CSMD1: variants seen among roughly 807,000 people sequenced by gnomAD.
CSMD1 encodes the protein CUB and sushi domain-containing protein 1.
CSMD1 carries 213 observed loss-of-function variants against 417.5 expected under a neutral mutation model. The observed-to-expected ratio is 0.51, with a 90% CI of 0.46 to 0.57. CSMD1 has a LOEUF of 0.57. CSMD1 is among the 20% of genes least tolerant of loss of function. The probability of loss-of-function intolerance (pLI) is 0.00; values close to 1 mark genes in which losing one functional copy is unlikely to be tolerated. For synonymous variants in CSMD1, 2,862 were observed against 1,736.8 expected, an observed-to-expected ratio of 1.65 and a Z score of -16.11; for missense variants, 6,923 against 4,529.7, an observed-to-expected ratio of 1.53 and a Z score of -15.17.
intron 1 of CSMD1, among the ~76,000 whole-genome samples, chr8:4,844,687 T>C (rs1202720458): frequency 6.6e-6 from 1 of 152,234 alleles, no homozygotes; most frequent in Admixed American, 6.5e-5. Context: ...AATTTACTCA[T>C]TATTATCTTA....
At chr8:3,984,617 G>A (rs1390858683) in intron 5 of CSMD1, among the ~76,000 whole-genome samples, 1 of 148,292 alleles carries the variant, frequency 6.7e-6, no homozygotes, top group Non-Finnish European at 1.5e-5. Flanking sequence ...TACAGCTAGG[G>A]GTTTCATTTG....
intron 23 of CSMD1, among the ~76,000 whole-genome samples, chr8:3,316,297 A>T (rs979985653): frequency 6.6e-6 from 1 of 152,200 alleles, no homozygotes; most frequent in African/African-American, 2.4e-5. Context: ...ACTTGCCAAT[A>T]AAAATAAAGG....
At chr8:4,074,268 A>C (rs986657596) in intron 3 of CSMD1, among the ~76,000 whole-genome samples, 1 of 152,108 alleles carries the variant, frequency 6.6e-6, no homozygotes, top group Non-Finnish European at 1.5e-5. Context: ...TTTCATAAAG[A>C]AAGTCATGAA....
At chr8:3,908,471 C>G (rs1346973342) in intron 5 of CSMD1, among the ~76,000 whole-genome samples, 4 of 152,066 alleles carry the variant, frequency 2.6e-5, no homozygotes, top group African/African-American at 9.7e-5. Flanking sequence ...ATTCCCTGGG[C>G]CTTTACACAT....
intron 1 of CSMD1, among the ~76,000 whole-genome samples, chr8:4,737,868 C>G (rs1294237819): frequency 6.6e-6 from 1 of 152,116 alleles, no homozygotes. Context: ...CAACCCACAA[C>G]AACAAAGTTA....
intron 1 of CSMD1, among the ~76,000 whole-genome samples, chr8:4,905,811 C>G (rs1805224029): frequency 7.8e-6 from 1 of 128,870 alleles, no homozygotes. Context: ...CAGAGCGAGA[C>G]TCCATCTCAA....
At chr8:4,358,753 C>A (rs970526650) in intron 3 of CSMD1, among the ~76,000 whole-genome samples, 1 of 152,056 alleles carries the variant, frequency 6.6e-6, no homozygotes. Context: ...TATATGATTT[C>A]AAAAAGCAAT....
intron 25 of CSMD1, among the ~76,000 whole-genome samples, chr8:3,290,631 G>C (rs1803483226): frequency 6.8e-6 from 1 of 147,118 alleles, no homozygotes; most frequent in Non-Finnish European, 1.5e-5. Context: ...CTGTTTGTCT[G>C]TTATTGGCGT....
At chr8:3,491,415 A>C (rs774893398) in intron 11 of CSMD1, among the ~76,000 whole-genome samples, 2 of 152,244 alleles carry the variant, frequency 1.3e-5, no homozygotes, top group Non-Finnish European at 2.9e-5. Flanking sequence ...TGCATTTAAC[A>C]CAGTGCATGG....
intron 9 of CSMD1, among the ~76,000 whole-genome samples, chr8:3,585,657 G>A (rs961595916): frequency 2.0e-5 from 3 of 152,122 alleles, no homozygotes; most frequent in Non-Finnish European, 2.9e-5. Flanking sequence ...TGCTAACTAT[G>A]TTAGAGATTA....
chr8:3,344,415 C>G (rs62504781), intron 22 of CSMD1, among the ~76,000 whole-genome samples: 3,825 of 152,222 alleles, frequency 0.025, 71 homozygotes, highest in Non-Finnish European at 0.035. Flanking sequence ...ACCTGGGTAA[C>G]AAGCCTGCAC....
At chr8:4,320,034 G>GA (rs1042594095) in intron 3 of CSMD1, among the ~76,000 whole-genome samples, 5 of 151,862 alleles carry the variant, frequency 3.3e-5, no homozygotes, top group African/African-American at 7.3e-5. Context: ...CCTCAACAAT[G>GA]AAAAAAATGA....
chr8:4,046,035 C>T (rs995773828), intron 3 of CSMD1, among the ~76,000 whole-genome samples: 2 of 151,986 alleles, frequency 1.3e-5, no homozygotes, highest in Non-Finnish European at 2.9e-5. Context: ...AAATTTAGGA[C>T]TCATGCAGAT....
chr8:3,294,945 C>G (rs555481437), intron 25 of CSMD1, among the ~76,000 whole-genome samples: 2 of 151,880 alleles, frequency 1.3e-5, no homozygotes, highest in Admixed American at 6.6e-5. Context: ...TGGAGCTGTT[C>G]CTATTTGGCC....
At chr8:3,059,616 T>C (rs1329068290) in intron 49 of CSMD1, among the ~76,000 whole-genome samples, 1 of 151,970 alleles carries the variant, frequency 6.6e-6, no homozygotes, top group African/African-American at 2.4e-5. Context: ...ACCAACTCAT[T>C]TGTGACCTGA....
chr8:4,757,893 C>T (rs1168291139), intron 1 of CSMD1, among the ~76,000 whole-genome samples: 2 of 137,276 alleles, frequency 1.5e-5, no homozygotes, highest in Non-Finnish European at 3.0e-5. Flanking sequence ...TGGGAGGCAG[C>T]GGTTGAAGGG....
chr8:3,314,151 A>T (rs1218568110), intron 23 of CSMD1, among the ~76,000 whole-genome samples: 1 of 152,192 alleles, frequency 6.6e-6, no homozygotes, highest in African/African-American at 2.4e-5. Context: ...GGATAGCATT[A>T]GGAGATATAC....
chr8:3,347,586 C>T (rs866224175), intron 22 of CSMD1, among the ~76,000 whole-genome samples: 3 of 152,140 alleles, frequency 2.0e-5, no homozygotes, highest in Non-Finnish European at 1.5e-5. Flanking sequence ...GTTTGGGGAT[C>T]CTGCAACTTT....
intron 3 of CSMD1, among the ~76,000 whole-genome samples, chr8:4,055,611 G>A (rs915276904): frequency 6.6e-6 from 1 of 151,896 alleles, no homozygotes; most frequent in East Asian, 1.9e-4. Context: ...GAATTTTAAT[G>A]AATATAAAAT....
Sources: gnomAD v4.1 joint callset for allele counts (sites outside exome capture counted in the v4.1 genomes callset) on GRCh38, gnomAD v4.1.1 for gene constraint, MANE v1.5 for transcripts, NCBI Gene and HGNC (gene_info 2026-07-23, HGNC 2026-07-21) for gene names.